ATP10B: variants seen among roughly 807,000 people sequenced by gnomAD.
ATP10B encodes ATPase phospholipid transporting 10B (putative), also known as phospholipid-transporting ATPase VB.
ATP10B carries 122 observed loss-of-function variants against 141.2 expected under a neutral mutation model. The observed-to-expected ratio is 0.86, with a 90% CI of 0.75 to 1.00. The LOEUF (loss-of-function observed/expected upper bound fraction) is 1.00, where lower values mean the gene tolerates loss of function less well. Ranked by LOEUF, ATP10B falls within the 50% of genes least tolerant of loss-of-function variation. The pLI is 0.00. For synonymous variants in ATP10B, 685 were observed against 692.0 expected (o/e 0.99, Z 0.16); for missense variants, 1,876 against 1,825.3 (o/e 1.03, Z -0.51).
chr5:160,754,074 G>C (rs767345129), intron 2 of ATP10B, among the ~76,000 whole-genome samples: 23 of 152,248 alleles, frequency 1.5e-4, no homozygotes, highest in Admixed American at 9.8e-4. Context: ...ACACAAATGG[G>C]CTTTGAGTCC....
chr5:160,596,841 G>T (rs534955242), intron 22 of ATP10B, among the ~76,000 whole-genome samples: 122 of 152,304 alleles, frequency 8.0e-4, no homozygotes, highest in Non-Finnish European at 1.3e-3. Context: ...TACAAGGGAC[G>T]TGAAGGACCT....
At chr5:160,665,532 C>T (rs987088500) in intron 7 of ATP10B, among the ~76,000 whole-genome samples, 18 of 152,182 alleles carry the variant, frequency 1.2e-4, no homozygotes, top group African/African-American at 3.9e-4. Context: ...TTCTCAGAGA[C>T]GTTAATATGT....
chr5:160,749,941 G>A (rs1768046142), intron 2 of ATP10B, among the ~76,000 whole-genome samples: 2 of 152,094 alleles, frequency 1.3e-5, no homozygotes, highest in Non-Finnish European at 2.9e-5. Flanking sequence ...TGAGAATGTT[G>A]AACTCCACAA....
intron 1 of ATP10B, among the ~76,000 whole-genome samples, chr5:160,812,900 G>A (rs929517340): frequency 6.6e-6 from 1 of 152,152 alleles, no homozygotes; most frequent in Non-Finnish European, 1.5e-5. Flanking sequence ...TCAAGCACAA[G>A]AAGGTTGTAG....
rs770768789 is a variant in ATP10B at position 160,589,600 on chromosome 5, T to G, written c.3742A>C (p.Lys1248Gln). 1.3e-5 allele frequency: 21 copies of G among 1,613,534 alleles called. No homozygotes were observed. Among genetic ancestry groups the G allele is most frequent in the Non-Finnish European group, 1.6e-5 (19 of 1,179,720 alleles). ...GGCTCTGGGACACTTACCCATGTCT[T>G]CATTTCCATTGCCTGGTGCAAAAGG... ...TILLHQAMEM[K>Q]TWTIFHGVVL... The change falls in exon 24 of 26, where the codon AAG becomes CAG. Residue 1248 changes from lysine (K) to glutamine (Q), a missense_variant. Transcript: ENST00000327245.
intron 2 of ATP10B, among the ~76,000 whole-genome samples, chr5:160,775,830 G>A (rs1021784786): frequency 4.6e-5 from 7 of 151,870 alleles, no homozygotes; most frequent in Non-Finnish European, 5.9e-5. Flanking sequence ...ACAGGCACCC[G>A]CCACCATGCC....
chr5:160,604,228 A>G (rs563751302), intron 19 of ATP10B, among the ~76,000 whole-genome samples, 187 bp from the exon 20 acceptor site: 4 of 152,166 alleles, frequency 2.6e-5, no homozygotes, highest in Admixed American at 6.5e-5. Flanking sequence ...AAGTCCTACC[A>G]TTTTCTTTAC....
rs1458793626 is a variant in ATP10B, at chr5:160,565,321, T to C, written c.*132A>G. 5.3e-6 allele frequency: 5 copies of C among 948,386 alleles called. No individual in the cohort carries two copies. The highest frequency in any genetic ancestry group is 7.9e-6 in the Non-Finnish European group (5 of 632,138). 58.7% of individuals were successfully genotyped at this position (948,386 alleles called of 1,614,324 possible). A position where few individuals can be genotyped will look rare whatever the true frequency, so the allele number is the denominator to read the frequency against. On this transcript the variant is annotated 3_prime_UTR_variant, in exon 26 of 26. Transcript: ENST00000327245. ...CCCCTTGGGGCCAGCACTTCCTCCATGGAAGTCAAGGTTGTTGAAGAAAAG... is the reference window on the plus strand; with the variant it reads ...CCCCTTGGGGCCAGCACTTCCTCCACGGAAGTCAAGGTTGTTGAAGAAAAG...
intron 1 of ATP10B, among the ~76,000 whole-genome samples, chr5:160,849,618 TACACACAC>T (rs796968833): frequency 6.8e-6 from 1 of 148,130 alleles, no homozygotes; most frequent in Admixed American, 6.7e-5. Context: ...TACTGGCAAT[TACACACAC>T]ACACACACAC....
At chr5:160,927,255 A>G in the ATP10B span, among the ~76,000 whole-genome samples, 7 of 152,200 alleles carry the variant, frequency 4.6e-5, no homozygotes, top group Non-Finnish European at 1.0e-4. Context: ...GTGGCTTGAT[A>G]AAGCAGGGTA....
the ATP10B span, among the ~76,000 whole-genome samples, chr5:160,886,110 G>A: frequency 2.6e-5 from 4 of 152,158 alleles, no homozygotes; most frequent in Non-Finnish European, 5.9e-5. Context: ...AGCCATCGGG[G>A]GAATTTTTAG....
At chr5:160,644,268 G>T (rs73818113) in intron 8 of ATP10B, 24 bp from the exon 9 acceptor site, 2 of 1,590,670 alleles carry the variant, frequency 1.3e-6, no homozygotes, top group Non-Finnish European at 8.6e-7. Flanking sequence ...ATAAAAGACA[G>T]GGGGTGGTTT....
intron 13 of ATP10B, among the ~76,000 whole-genome samples, chr5:160,623,237 C>T (rs1355483854): frequency 3.3e-5 from 5 of 152,192 alleles, no homozygotes; most frequent in Admixed American, 2.0e-4. Flanking sequence ...GGAAGTCCCG[C>T]TTGTCCGTGA....
intron 8 of ATP10B, 110 bp downstream of exon 8, chr5:160,649,061 A>C (rs375440858): frequency 8.5e-6 from 6 of 707,208 alleles, no homozygotes; most frequent in Non-Finnish European, 1.4e-5. Context: ...CACACACACA[A>C]ATAAAATTCC....
chr5:160,895,984 T>A, the ATP10B span, among the ~76,000 whole-genome samples: 2 of 152,122 alleles, frequency 1.3e-5, no homozygotes, highest in Non-Finnish European at 2.9e-5. Context: ...AATAAAGAAG[T>A]TCTTTGAAAC....
At chr5:160,653,656 C>CATATATATT (rs1761165090) in intron 7 of ATP10B, among the ~76,000 whole-genome samples, 1 of 74,992 alleles carries the variant, frequency 1.3e-5, no homozygotes, top group Non-Finnish European at 2.4e-5. Flanking sequence ...ATTATATATA[C>CATATATATT]ATATATACAT....
At chr5:160,630,469 T>G (rs532535478) in intron 13 of ATP10B, among the ~76,000 whole-genome samples, 47 of 152,308 alleles carry the variant, frequency 3.1e-4, no homozygotes, top group Non-Finnish European at 5.1e-4. Context: ...GCTTCCTTTT[T>G]CTCCCGCTCA....
chr5:160,582,340 T>G (rs939489211), intron 24 of ATP10B, among the ~76,000 whole-genome samples: 1 of 152,228 alleles, frequency 6.6e-6, no homozygotes, highest in South Asian at 2.1e-4. Flanking sequence ...AAGGTAGGCC[T>G]GGTGGTGACA....
At chr5:160,825,102 T>A (rs1361439644) in intron 1 of ATP10B, among the ~76,000 whole-genome samples, 1 of 152,218 alleles carries the variant, frequency 6.6e-6, no homozygotes, top group Admixed American at 6.5e-5. Context: ...TTATCCTTTT[T>A]ATGTCTCTCT....
Sources: allele counts gnomAD v4.1 joint callset (sites outside exome capture counted in the v4.1 genomes callset), GRCh38; gene constraint gnomAD v4.1.1; transcripts MANE v1.5; gene names NCBI Gene and HGNC (gene_info 2026-07-23, HGNC 2026-07-21).